Variants in EFCAB6 observed in about 807,000 individuals in gnomAD.
The protein encoded by EFCAB6 is EF-hand calcium binding domain 6.
Under a neutral mutation model 169.8 loss-of-function variants are expected in EFCAB6, and 156 were observed. The ratio of observed to expected loss-of-function variants is 0.92; its 90% CI spans 0.81 to 1.05. The LOEUF is 1.05. EFCAB6 is among the 50% of genes least tolerant of loss of function. EFCAB6 has a pLI of 0.00. For synonymous variants in EFCAB6, 698 were observed against 676.4 expected (o/e 1.03, Z -0.50); for missense variants, 1,800 against 1,829.1 (o/e 0.98, Z 0.29).
chr22:43,776,707 G>T (rs1343399635), intron 3 of EFCAB6, among the ~76,000 whole-genome samples: 4 of 152,214 alleles, frequency 2.6e-5, no homozygotes, highest in Admixed American at 6.5e-5. Context: ...GGAGTGGACG[G>T]TGTGGCACAT....
chr22:43,738,309 G>A lies in EFCAB6; in HGVS notation c.508-2316C>T, dbSNP rs186709510. 2.2e-3 allele frequency among the ~76,000 whole-genome samples: 306 copies of A among 137,200 alleles called. 3 individuals are homozygous for A. Among genetic ancestry groups the A allele is most frequent in the Non-Finnish European group, 3.2e-3 (201 of 63,760 alleles). 90.0% of individuals were successfully genotyped at this position (137,200 alleles called of 152,430 possible). A position where few individuals can be genotyped will look rare whatever the true frequency, so the allele number is the denominator to read the frequency against. Reference sequence around the variant, plus strand: ...ACCTGCATATACTCACACTCACACCGTCACTCACACATATATATTCACACA... The same window carrying A: ...ACCTGCATATACTCACACTCACACCATCACTCACACATATATATTCACACA... On this transcript the variant is annotated intron_variant, in intron 6 of 31. Coordinates refer to ENST00000262726, the MANE Select transcript of EFCAB6 (RefSeq NM_022785.4).
intron 17 of EFCAB6, among the ~76,000 whole-genome samples, chr22:43,635,875 C>T (rs1035275083): frequency 2.6e-5 from 4 of 152,174 alleles, no homozygotes; most frequent in South Asian, 2.1e-4. Context: ...GGAATCGTCT[C>T]GATGACATCT....
At chr22:43,536,376 A>AT (rs1394149268) in intron 29 of EFCAB6, 7 of 152,186 alleles carry the variant, frequency 4.6e-5, no homozygotes, top group African/African-American at 1.4e-4. Flanking sequence ...TCATTTGTGC[A>AT]TTTTAAGGTC....
rs1602327547 is a variant in EFCAB6, at chr22:43,570,531, T to G, written c.3420+5766A>C. ...CTAGAAGTGAAGAACGGGTATTTGC[T>G]GGGGAGAGAAATCCAGATGATGTTT... On this transcript the variant is annotated intron_variant, in intron 26 of 31. Coordinates refer to ENST00000262726, the MANE Select transcript of EFCAB6 (RefSeq NM_022785.4). Among the ~76,000 whole-genome samples, 5 of 152,130 alleles carry G rather than the reference T, an allele frequency of 3.3e-5. No homozygotes were observed. In the Middle Eastern group the frequency reaches 0.014, roughly 414 times the overall value.
intron 10 of EFCAB6, among the ~76,000 whole-genome samples, chr22:43,703,021 T>C (rs1415160998): frequency 6.6e-6 from 1 of 152,162 alleles, no homozygotes; most frequent in Non-Finnish European, 1.5e-5. Flanking sequence ...ACGTGAACTG[T>C]GCATTTCTAC....
At chr22:43,640,547 C>A (rs764167252) in intron 17 of EFCAB6, among the ~76,000 whole-genome samples, 1 of 152,188 alleles carries the variant, frequency 6.6e-6, no homozygotes, top group Non-Finnish European at 1.5e-5. Context: ...TTTCAAAATG[C>A]CCCCTTTCTC....
intron 29 of EFCAB6, chr22:43,536,585 A>C (rs567296602): frequency 6.6e-6 from 1 of 152,200 alleles, no homozygotes; most frequent in Non-Finnish European, 1.5e-5. Context: ...GTCACACCTG[A>C]TCCTAGCACT....
chr22:43,699,877 G>A (rs542364316), intron 10 of EFCAB6, among the ~76,000 whole-genome samples: 6 of 152,270 alleles, frequency 3.9e-5, no homozygotes, highest in Admixed American at 6.5e-5. Flanking sequence ...TGTTACCAGC[G>A]TGAATGGGAA....
chr22:43,650,314 T>C (rs1415589711), intron 17 of EFCAB6, among the ~76,000 whole-genome samples: 1 of 152,132 alleles, frequency 6.6e-6, no homozygotes. Context: ...AGTGAATAGG[T>C]CTCAAGAGAT....
rs1300417316 is a variant in EFCAB6 at position 43,628,786 on chromosome 22, C to T, written c.2233-2107G>A. Among the ~76,000 whole-genome samples the T allele has an allele frequency of 2.6e-5, 4 of 152,292 alleles. No individual in the cohort carries two copies. Among genetic ancestry groups the T allele is most frequent in the African/African-American group, 7.2e-5 (3 of 41,572 alleles). Reference sequence around the variant, plus strand: ...GGCACCAGCCCTGACTGGCCTCCCACGATCCTCTACTTTTCTCTTTGGCAC... The same window carrying T: ...GGCACCAGCCCTGACTGGCCTCCCATGATCCTCTACTTTTCTCTTTGGCAC... On this transcript the variant is annotated intron_variant, in intron 19 of 31. Coordinates refer to ENST00000262726, the MANE Select transcript of EFCAB6 (RefSeq NM_022785.4). This position sits in a 1 kb window ranked among gnomAD's most constrained non-coding sequence, Gnocchi z 4.8.
At chr22:43,617,526 C>T (rs533991637) in intron 20 of EFCAB6, among the ~76,000 whole-genome samples, 104 of 152,352 alleles carry the variant, frequency 6.8e-4, no homozygotes, top group Non-Finnish European at 9.0e-4. Flanking sequence ...ATTTTCCATC[C>T]ATTTTCCCCT....
intron 6 of EFCAB6, among the ~76,000 whole-genome samples, chr22:43,741,153 G>T (rs1337649524): frequency 6.6e-6 from 1 of 152,124 alleles, no homozygotes; most frequent in Non-Finnish European, 1.5e-5. Flanking sequence ...CAATAAAATG[G>T]CTAAGCTAAG....
intron 26 of EFCAB6, among the ~76,000 whole-genome samples, chr22:43,570,584 G>GGT (rs2049789275): frequency 6.6e-6 from 1 of 151,440 alleles, no homozygotes; most frequent in Admixed American, 6.6e-5. Context: ...CTCATGAGAA[G>GGT]GTGTGTGTGC....
intron 18 of EFCAB6, among the ~76,000 whole-genome samples, chr22:43,633,075 C>G (rs1006534304): frequency 6.6e-6 from 1 of 152,196 alleles, no homozygotes; most frequent in Non-Finnish European, 1.5e-5. Flanking sequence ...GAAAACCTAT[C>G]ATCCCATGCA....
chr22:43,700,668 A>G (rs1199439766), intron 10 of EFCAB6, among the ~76,000 whole-genome samples: 1 of 152,138 alleles, frequency 6.6e-6, no homozygotes, highest in Non-Finnish European at 1.5e-5. Context: ...CCTTTTATCC[A>G]TTCTTATTGT....
chr22:43,534,426 T>A (rs1490240876), intron 30 of EFCAB6, among the ~76,000 whole-genome samples: 1 of 152,200 alleles, frequency 6.6e-6, no homozygotes, highest in African/African-American at 2.4e-5. Context: ...AGTATCTTTA[T>A]AGCAGTGTGA....
intron 6 of EFCAB6, among the ~76,000 whole-genome samples, chr22:43,748,417 TCTC>T (rs2060640407): frequency 1.3e-5 from 2 of 152,098 alleles, no homozygotes; most frequent in Admixed American, 6.5e-5. Context: ...CCGGCTTCCC[TCTC>T]CTCATGTCCT....
intron 10 of EFCAB6, among the ~76,000 whole-genome samples, chr22:43,689,211 G>A (rs1435050465): frequency 6.6e-6 from 1 of 151,974 alleles, no homozygotes; most frequent in Non-Finnish European, 1.5e-5. Context: ...ATTTTGCGGG[G>A]GGGCGCAGGG....
In EFCAB6 at chr22:43,608,557, C is replaced by A. The variant is rs766820070; in HGVS notation, c.2606G>T (p.Arg869Leu). Residue 869 changes from arginine to leucine, a missense_variant, in exon 22 of 32, where the codon CGC becomes CTC. Transcript: ENST00000262726. ...TDNEGNGILR[R>L]RDIKNALYGF... ...GTACAGTGCGTTCTTTATGTCCCGG[C>A]GTCGAAGAATGCCATTGCCCTCATT... The A allele has an allele frequency of 6.2e-7, 1 of 1,614,014 alleles. No homozygotes were observed. The highest frequency in any genetic ancestry group is 1.7e-5 in the Admixed American group (1 of 59,998).
Sources: allele counts gnomAD v4.1 joint callset (sites outside exome capture counted in the v4.1 genomes callset), GRCh38; gene constraint gnomAD v4.1.1; non-coding constraint Gnocchi (gnomAD v3.1); transcripts MANE v1.5; gene names NCBI Gene and HGNC (gene_info 2026-07-23, HGNC 2026-07-21).